Variants in CCDC66 observed in about 807,000 individuals in gnomAD.
CCDC66 encodes the protein coiled-coil domain-containing protein 66.
Under a neutral mutation model 128.3 loss-of-function variants are expected in CCDC66, and 133 were observed. The ratio of observed to expected loss-of-function variants is 1.04; its 90% CI spans 0.90 to 1.20. The LOEUF is 1.20. Among genes scored for constraint, CCDC66 ranks in the 50% most tolerant of loss-of-function variants. CCDC66 has a pLI of 0.00. For missense variants in CCDC66, 1,126 were observed against 1,075.5 expected, an observed-to-expected ratio of 1.05 and a Z score of -0.66; for synonymous variants, 387 against 357.0, an observed-to-expected ratio of 1.08 and a Z score of -0.95.
At chr3:56,610,701 C>T (rs1454253366) in intron 10 of CCDC66, among the ~76,000 whole-genome samples, 2 of 152,168 alleles carry the variant, frequency 1.3e-5, no homozygotes, top group Non-Finnish European at 2.9e-5. Context: ...TGGGTAGGCT[C>T]TGTCAGAGGG....
chr3:56,596,533 T>A (rs1255430687), intron 10 of CCDC66, among the ~76,000 whole-genome samples: 1 of 152,038 alleles, frequency 6.6e-6, no homozygotes, highest in Non-Finnish European at 1.5e-5. Flanking sequence ...AACTACTGAA[T>A]ATTCAAACTG....
intron 4 of CCDC66, among the ~76,000 whole-genome samples, chr3:56,565,924 C>T (rs1436355278): frequency 1.3e-5 from 2 of 152,180 alleles, no homozygotes; most frequent in African/African-American, 4.8e-5. Context: ...CCTTGGCCTC[C>T]CAAAGTGCTG....
Position 56,566,949 on chromosome 3 carries a change from G to A in CCDC66, c.711-1G>A, listed in dbSNP as rs755251110. ...CTGTTATCTTTTGTGTTTTACCTTAGAGAGAATGAATGGAAACCAGCTGAT... is the reference window on the plus strand; with the variant it reads ...CTGTTATCTTTTGTGTTTTACCTTAAAGAGAATGAATGGAAACCAGCTGAT... On this transcript the variant is annotated splice_acceptor_variant, in intron 5 of 17. Transcript: ENST00000394672. LOFTEE classifies it high-confidence loss of function. 3.1e-6 allele frequency: 5 copies of A among 1,611,238 alleles called. No individual in the cohort carries two copies. Among genetic ancestry groups the A allele is most frequent in the Non-Finnish European group, 4.2e-6 (5 of 1,177,832 alleles).
intron 10 of CCDC66, among the ~76,000 whole-genome samples, chr3:56,607,217 G>T (rs1333047065): frequency 6.6e-6 from 1 of 152,106 alleles, no homozygotes; most frequent in African/African-American, 2.4e-5. Flanking sequence ...TGTTGAATTT[G>T]TAGATTGCTT....
chr3:56,602,395 C>T (rs2073329607), intron 10 of CCDC66, among the ~76,000 whole-genome samples: 1 of 152,036 alleles, frequency 6.6e-6, no homozygotes, highest in Non-Finnish European at 1.5e-5. Context: ...AGGATTTTTG[C>T]ATCAATGTTC....
At position 56,610,339 on chromosome 3, in the gene CCDC66, T is replaced by C. The variant is rs113698046; in HGVS notation, c.1405-3250T>C. Among the ~76,000 whole-genome samples, 316 of 152,300 alleles carry C rather than the reference T, an allele frequency of 2.1e-3. 2 individuals carry two copies. Among genetic ancestry groups the C allele is most frequent in the African/African-American group, 7.4e-3 (309 of 41,564 alleles). ...ACTTTCTTTGAGCTCTAAATTTCTT[T>C]CTTCTCCTTGTTCAATTCTGTTGCT... On this transcript the variant is annotated intron_variant, in intron 10 of 17. Transcript: ENST00000394672.
intron 7 of CCDC66, among the ~76,000 whole-genome samples, chr3:56,577,790 G>A (rs2067636598): frequency 6.6e-6 from 1 of 151,766 alleles, no homozygotes; most frequent in South Asian, 2.1e-4. Context: ...ATCTGTTTTG[G>A]TACCAGTACC....
intron 6 of CCDC66, among the ~76,000 whole-genome samples, chr3:56,568,947 T>C (rs1322763389): frequency 1.3e-5 from 2 of 152,244 alleles, no homozygotes; most frequent in African/African-American, 4.8e-5. Flanking sequence ...TTCTTAGGAA[T>C]AGCTATGCTA....
In CCDC66 at chr3:56,604,393, A is replaced by G. The variant is rs573054807; in HGVS notation, c.1405-9196A>G. 3.9e-5 allele frequency among the ~76,000 whole-genome samples: 6 copies of G among 152,030 alleles called. No homozygotes were observed. The South Asian group carries it at 1.0e-3, about 26-fold the overall frequency. On this transcript the variant is annotated intron_variant, in intron 10 of 17. Coordinates refer to ENST00000394672, the MANE Select transcript of CCDC66 (RefSeq NM_001141947.3). ...GTGTCGATGGTCTTTACAATTTGGT[A>G]TGTTTTTGCAGTGGGTGGTACCAGT...
intron 17 of CCDC66, chr3:56,620,780 C>T (rs2076376297): frequency 6.6e-6 from 1 of 151,960 alleles, no homozygotes; most frequent in Admixed American, 6.6e-5. Flanking sequence ...CACATTTACC[C>T]ATCAATATAG....
chr3:56,581,140 C>T (rs985925676), intron 7 of CCDC66, among the ~76,000 whole-genome samples: 1 of 150,918 alleles, frequency 6.6e-6, no homozygotes, highest in Non-Finnish European at 1.5e-5. Flanking sequence ...TCTCTTCTTG[C>T]TTCATTTCAT....
Position 56,607,444 on chromosome 3 carries a change from G to A in CCDC66, c.1405-6145G>A, listed in dbSNP as rs141071859. Among the ~76,000 whole-genome samples the A allele has an allele frequency of 3.9e-3, 591 of 152,152 alleles. 3 individuals are homozygous for A. The highest frequency in any genetic ancestry group is 6.8e-3 in the Middle Eastern group (2 of 294). ...GAGTTCTTGATTTCTCTGCTTGGTC[G>A]CTGTTGGTATATAGAAGAGCTACTG... is the stretch of plus-strand genomic sequence containing the variant. On this transcript the variant is annotated intron_variant, in intron 10 of 17. Transcript: ENST00000394672.
At chr3:56,571,388 G>GTTT in intron 7 of CCDC66, 86 bp downstream of exon 7, 5 of 538,160 alleles carry the variant, frequency 9.3e-6, no homozygotes, top group Non-Finnish European at 1.4e-5. Flanking sequence ...AAAAAAAAAA[G>GTTT]TTTTTTTTTT....
chr3:56,617,580 A>C lies in CCDC66; in HGVS notation c.2312A>C (p.Lys771Thr), dbSNP rs980018995. 1 of 1,605,144 alleles carries C rather than the reference A, an allele frequency of 6.2e-7. No individual in the cohort carries two copies. Among genetic ancestry groups the C allele is most frequent in the African/African-American group, 1.3e-5 (1 of 74,142 alleles). ...FHSSHQETES[K>T]LRWHLVKKEE... Reference sequence around the variant, plus strand: ...TCATCTCATCAAGAAACGGAGTCAAAGTTGAGGTGGCATCTAGTCAAAAAG... The same window carrying C: ...TCATCTCATCAAGAAACGGAGTCAACGTTGAGGTGGCATCTAGTCAAAAAG... The change falls in exon 14 of 18, where the codon AAG (lysine) becomes ACG (threonine). Residue 771 changes from lysine to threonine, a missense_variant. Transcript: ENST00000394672.
Position 56,613,606 on chromosome 3 carries a change from G to A in CCDC66, c.1422G>A (p.Gln474=), listed in dbSNP as rs1423239890. ...QLEHQKAITA[Q]VEEKRRKKQL... ...ATGACTAGAAAGCCATCACTGCCCAGGTAGAAGAGAAGCGCAGGAAGAAAC... is the reference window on the plus strand; with the variant it reads ...ATGACTAGAAAGCCATCACTGCCCAAGTAGAAGAGAAGCGCAGGAAGAAAC... The change falls in exon 11 of 18, where the codon CAG becomes CAA. Residue 474 remains glutamine (Q), a synonymous_variant. Transcript: ENST00000394672. 6.2e-7 allele frequency: 1 copy of A among 1,613,204 alleles called. No homozygotes were observed. Among genetic ancestry groups the A allele is most frequent in the African/African-American group, 1.3e-5 (1 of 74,808 alleles).
chr3:56,596,124 G>A (rs567809082), intron 10 of CCDC66, among the ~76,000 whole-genome samples: 12 of 152,194 alleles, frequency 7.9e-5, no homozygotes, highest in African/African-American at 2.9e-4. Context: ...TCACTATGTT[G>A]ACCAGACTGG....
At chr3:56,580,230 A>C (rs906334781) in intron 7 of CCDC66, among the ~76,000 whole-genome samples, 1 of 151,092 alleles carries the variant, frequency 6.6e-6, no homozygotes, top group African/African-American at 2.4e-5. Flanking sequence ...TAGGATTGCA[A>C]CCCCTGCTTT....
intron 12 of CCDC66, among the ~76,000 whole-genome samples, chr3:56,615,630 T>C (rs570175069): frequency 3.3e-4 from 51 of 152,350 alleles, no homozygotes; most frequent in African/African-American, 1.1e-3. Context: ...TAAATAGGAA[T>C]GCTTAATTTA....
intron 7 of CCDC66, among the ~76,000 whole-genome samples, chr3:56,592,400 G>T (rs2071069278): frequency 6.6e-6 from 1 of 152,266 alleles, no homozygotes; most frequent in Admixed American, 6.5e-5. Context: ...TCACTCTGTT[G>T]CCCATGCTGG....
Sources: gnomAD v4.1 joint callset for allele counts (sites outside exome capture counted in the v4.1 genomes callset) on GRCh38, gnomAD v4.1.1 for gene constraint, MANE v1.5 for transcripts, NCBI Gene and HGNC (gene_info 2026-07-23, HGNC 2026-07-21) for gene names.